The following STK39 variants were observed in gnomAD, a reference collection of about 807,000 sequenced individuals.
The protein encoded by STK39 is STE20/SPS1-related proline-alanine-rich protein kinase.
In STK39, 20 loss-of-function variants were observed where a neutral mutation model predicts 77.8. The ratio of observed to expected loss-of-function variants is 0.26; its 90% CI spans 0.18 to 0.37. STK39 has a LOEUF of 0.37. Among genes scored for constraint, STK39 ranks in the 10% least tolerant of loss-of-function variants. The pLI is 1.00. For synonymous variants in STK39, 246 were observed against 234.1 expected (o/e 1.05, Z -0.47); for missense variants, 479 against 656.5 (o/e 0.73, Z 2.95).
Position 168,247,374 on chromosome 2 carries a change from G to T in STK39, c.62C>A (p.Thr21Lys). 1 of 1,016,028 alleles carries T rather than the reference G, an allele frequency of 9.8e-7. No homozygotes were observed. Among genetic ancestry groups the T allele is most frequent in the Non-Finnish European group, 1.2e-6 (1 of 820,012 alleles). 62.9% of individuals were successfully genotyped at this position (1,016,028 alleles called of 1,614,324 possible). ...VQLPQQAAPV[T>K]AAAAAAPAAA... ...CGCCGGGGCCGCCGCCGCCGCCGCT[G>T]TCACCGGGGCCGCCTGCTGGGGAAG... The change falls in exon 1 of 18, where the codon ACA (threonine) becomes AAA (lysine). Residue 21 changes from threonine to lysine, a missense_variant. Coordinates refer to ENST00000355999, the MANE Select transcript of STK39 (RefSeq NM_013233.3).
chr2:168,030,261 C>A (rs1429239636), intron 14 of STK39, among the ~76,000 whole-genome samples: 1 of 151,984 alleles, frequency 6.6e-6, no homozygotes, highest in African/African-American at 2.4e-5. Flanking sequence ...AATAATCTCC[C>A]AATTTTGTTG....
chr2:168,089,618 A>G (rs1018920127), intron 10 of STK39, among the ~76,000 whole-genome samples: 6 of 152,230 alleles, frequency 3.9e-5, no homozygotes, highest in Non-Finnish European at 8.8e-5. Flanking sequence ...AACATTTTTA[A>G]TAGATGTATT....
At chr2:168,090,581 T>C (rs1209878555) in intron 10 of STK39, among the ~76,000 whole-genome samples, 1 of 152,240 alleles carries the variant, frequency 6.6e-6, no homozygotes, top group Admixed American at 6.5e-5. Flanking sequence ...TGTTCACCTC[T>C]GTGAACCAGC....
chr2:168,080,363 C>T (rs59708323), intron 10 of STK39, among the ~76,000 whole-genome samples: 16,378 of 152,188 alleles, frequency 0.11, 1,185 homozygotes, highest in Admixed American at 0.17. Flanking sequence ...GGCACAGTGG[C>T]TTACACCTGT....
At chr2:168,037,667 A>G (rs1407653273) in intron 14 of STK39, among the ~76,000 whole-genome samples, 1 of 152,222 alleles carries the variant, frequency 6.6e-6, no homozygotes, top group Non-Finnish European at 1.5e-5. Flanking sequence ...ATAAGATGCA[A>G]TCTTAAGTGT....
intron 1 of STK39, among the ~76,000 whole-genome samples, chr2:168,226,507 TCATA>T (rs1690309586): frequency 1.3e-5 from 2 of 152,204 alleles, no homozygotes; most frequent in Admixed American, 1.3e-4. Context: ...ATAAATTTGC[TCATA>T]CAAATAAACT....
At chr2:168,099,291 T>C (rs1455750700) in intron 10 of STK39, among the ~76,000 whole-genome samples, 1 of 152,236 alleles carries the variant, frequency 6.6e-6, no homozygotes, top group Non-Finnish European at 1.5e-5. Flanking sequence ...AATAGTGAAC[T>C]AATACATCAG....
At chr2:168,000,358 A>G (rs2105296323) in intron 16 of STK39, among the ~76,000 whole-genome samples, 1 of 152,328 alleles carries the variant, frequency 6.6e-6, no homozygotes, top group African/African-American at 2.4e-5. Context: ...AAAAGAGCCA[A>G]CTTTTCTTTT....
intron 14 of STK39, among the ~76,000 whole-genome samples, chr2:168,023,421 G>A (rs1442137622): frequency 5.3e-5 from 8 of 151,092 alleles, no homozygotes; most frequent in African/African-American, 2.0e-4. Flanking sequence ...TGCAGAACAC[G>A]AACGGACACC....
At chr2:168,096,071 G>C (rs1686658695) in intron 10 of STK39, among the ~76,000 whole-genome samples, 1 of 152,110 alleles carries the variant, frequency 6.6e-6, no homozygotes, top group African/African-American at 2.4e-5. Context: ...TAGGGTTACA[G>C]TGTTCAGGTT....
chr2:168,149,700 A>G (rs1037370385), intron 5 of STK39, among the ~76,000 whole-genome samples: 1 of 152,262 alleles, frequency 6.6e-6, no homozygotes, highest in East Asian at 1.9e-4. Flanking sequence ...AAAATTAGCA[A>G]GAAAACCGTT....
At chr2:168,126,490 C>G (rs1687545062) in intron 10 of STK39, among the ~76,000 whole-genome samples, 2 of 152,104 alleles carry the variant, frequency 1.3e-5, no homozygotes, top group African/African-American at 4.8e-5. Context: ...TTCCAGCAGC[C>G]ACGTCTACAC....
At chr2:168,088,428 G>T (rs1686428555) in intron 10 of STK39, among the ~76,000 whole-genome samples, 1 of 152,174 alleles carries the variant, frequency 6.6e-6, no homozygotes, top group Non-Finnish European at 1.5e-5. Context: ...CATAGAGAGA[G>T]ATATATACAT....
chr2:168,234,751 AATAAAT>A (rs2105267602), intron 1 of STK39, among the ~76,000 whole-genome samples: 1 of 152,338 alleles, frequency 6.6e-6, no homozygotes, highest in Admixed American at 6.5e-5. Context: ...CTGATGAAGA[AATAAAT>A]ATAAGTAAAT....
At chr2:168,120,931 C>A (rs1321553796) in intron 10 of STK39, among the ~76,000 whole-genome samples, 1 of 152,166 alleles carries the variant, frequency 6.6e-6, no homozygotes, top group Non-Finnish European at 1.5e-5. Flanking sequence ...GGCAAACTTC[C>A]CAGATTCCTG....
intron 16 of STK39, among the ~76,000 whole-genome samples, chr2:167,979,233 A>G (rs1385018594): frequency 1.3e-5 from 2 of 152,144 alleles, no homozygotes; most frequent in Non-Finnish European, 2.9e-5. Context: ...AGTATTTTTA[A>G]TTTTTTAAAA....
intron 16 of STK39, among the ~76,000 whole-genome samples, chr2:167,979,105 G>C (rs1683352386): frequency 6.6e-6 from 1 of 152,100 alleles, no homozygotes; most frequent in Non-Finnish European, 1.5e-5. Context: ...GTATTTCTGA[G>C]TTCTGCTGTT....
At position 168,136,642 on chromosome 2, in the gene STK39, G is replaced by A. The variant is rs558302120; in HGVS notation, c.974+1446C>T. Reference sequence around the variant, plus strand: ...AACCTAGTACTAACTGGAAAGACAAGAACTTCTCTTGCTGGGCTATGAAGG... The same window carrying A: ...AACCTAGTACTAACTGGAAAGACAAAAACTTCTCTTGCTGGGCTATGAAGG... On this transcript the variant is annotated intron_variant, in intron 8 of 17. Transcript: ENST00000355999. Among the ~76,000 whole-genome samples, 18 of 152,278 alleles carry A rather than the reference G, an allele frequency of 1.2e-4. No homozygotes were observed. The South Asian group carries it at 3.5e-3, about 30-fold the overall frequency.
chr2:168,078,478 A>G (rs1686139373), intron 10 of STK39, among the ~76,000 whole-genome samples: 1 of 152,190 alleles, frequency 6.6e-6, no homozygotes, highest in Non-Finnish European at 1.5e-5. Flanking sequence ...CTGCATCTCT[A>G]AACAGGAGCT....
Sources: gnomAD v4.1 joint callset for allele counts (sites outside exome capture counted in the v4.1 genomes callset) on GRCh38, gnomAD v4.1.1 for gene constraint, MANE v1.5 for transcripts, NCBI Gene and HGNC (gene_info 2026-07-23, HGNC 2026-07-21) for gene names.